Variants in ACYP2 observed in about 807,000 individuals in gnomAD.
ACYP2 encodes the protein acylphosphatase-2.
A neutral mutation model predicts 11.2 loss-of-function variants in ACYP2; 12 were observed. The ratio of observed to expected loss-of-function variants is 1.08; its 90% confidence interval spans 0.69 to 1.74. ACYP2 has a LOEUF of 1.74. Ranked by LOEUF, ACYP2 falls within the 40% of genes most tolerant of loss-of-function variation. The probability of loss-of-function intolerance (pLI) is 0.00; values close to 1 mark genes in which losing one functional copy is unlikely to be tolerated. For missense variants in ACYP2, 134 were observed against 101.9 expected (o/e 1.31, Z -1.35); for synonymous variants, 43 against 32.2 (o/e 1.33, Z -1.13).
chr2:54,165,527 T>TCA (rs1409138197), intron 6 of ACYP2, among the ~76,000 whole-genome samples: 28 of 140,822 alleles, frequency 2.0e-4, no homozygotes, highest in Middle Eastern at 3.5e-3. Flanking sequence ...TCTCTCTCTC[T>TCA]CTCTCTCTCA....
intron 2 of ACYP2, among the ~76,000 whole-genome samples, chr2:53,985,162 C>G (rs1671972756): frequency 6.6e-6 from 1 of 151,824 alleles, no homozygotes; most frequent in Admixed American, 6.6e-5. Flanking sequence ...CTCTGCCTCC[C>G]TGGTTCCCAC....
intron 6 of ACYP2, among the ~76,000 whole-genome samples, chr2:54,295,651 T>C (rs1346296767): frequency 6.6e-6 from 1 of 152,208 alleles, no homozygotes; most frequent in Non-Finnish European, 1.5e-5. Context: ...ATTTTATTTG[T>C]AATTGACCTA....
At position 54,089,860 on chromosome 2, in the gene ACYP2, G is replaced by T. The variant is rs114854130; in HGVS notation, c.277+32500G>T. Among the ~76,000 whole-genome samples the T allele has an allele frequency of 8.4e-3, 1,281 of 151,870 alleles. 3 individuals carry two copies. Among genetic ancestry groups the T allele is most frequent in the Non-Finnish European group, 0.015 (1,008 of 67,940 alleles). On this transcript the variant is annotated intron_variant, in intron 4 of 6. Coordinates refer to ENST00000607452, the MANE Select transcript of ACYP2 (RefSeq NM_001320586.2). ...GGACTTTTTAACTATTAAAAAGTTT[G>T]CTCAGCCGGACACGGTGGCTCATAC...
At chr2:54,096,296 C>T (rs1678573761) in intron 4 of ACYP2, among the ~76,000 whole-genome samples, 1 of 143,118 alleles carries the variant, frequency 7.0e-6, no homozygotes, top group South Asian at 2.4e-4. Flanking sequence ...AGAGACGCTC[C>T]TCACTTCCTA....
At chr2:54,293,952 C>G (rs1573064674) in intron 6 of ACYP2, among the ~76,000 whole-genome samples, 1 of 152,326 alleles carries the variant, frequency 6.6e-6, no homozygotes, top group Non-Finnish European at 1.5e-5. Flanking sequence ...TATATATTAT[C>G]CTTCCATTAT....
chr2:54,083,642 T>C (rs1677788972), intron 4 of ACYP2, among the ~76,000 whole-genome samples: 1 of 152,184 alleles, frequency 6.6e-6, no homozygotes, highest in African/African-American at 2.4e-5. Context: ...ACAAACATGT[T>C]AGGAGAGTCT....
In ACYP2 at chr2:53,984,742, A is replaced by G. The variant is rs760481385; in HGVS notation, c.62+10932A>G. ...TAGTTCAATGTCAGAAAATCTACCA[A>G]TAAAATTCACCACCTTCATGCAAGA... On this transcript the variant is annotated intron_variant, in intron 2 of 6. Transcript: ENST00000607452. 2.7e-4 allele frequency among the ~76,000 whole-genome samples: 41 copies of G among 151,896 alleles called. 1 individual carries two copies. Among genetic ancestry groups the G allele is most frequent in the Non-Finnish European group, 5.6e-4 (38 of 67,946 alleles).
At chr2:53,987,922 A>G (rs1672110801) in intron 2 of ACYP2, among the ~76,000 whole-genome samples, 1 of 151,140 alleles carries the variant, frequency 6.6e-6, no homozygotes, top group Non-Finnish European at 1.5e-5. Context: ...TCCAGATACT[A>G]CTCTTTTGTC....
chr2:54,115,664 C>T (rs1558538766), intron 4 of ACYP2: 6 of 1,604,028 alleles, frequency 3.7e-6, no homozygotes, highest in Non-Finnish European at 5.1e-6. Context: ...CCCCGAGCCC[C>T]TCTCCGGCTC....
intron 6 of ACYP2, among the ~76,000 whole-genome samples, chr2:54,202,548 C>G (rs1163142108): frequency 6.6e-6 from 1 of 151,372 alleles, no homozygotes; most frequent in Non-Finnish European, 1.5e-5. Context: ...GCTGGGATTA[C>G]TGGTGCCCAC....
chr2:54,169,185 C>G (rs1683127808), intron 6 of ACYP2, among the ~76,000 whole-genome samples: 1 of 152,150 alleles, frequency 6.6e-6, no homozygotes, highest in African/African-American at 2.4e-5. Context: ...TAGATAGTTT[C>G]AGCAGTGAAT....
chr2:54,236,833 GA>G (rs1279726065), intron 6 of ACYP2, among the ~76,000 whole-genome samples: 3 of 151,972 alleles, frequency 2.0e-5, no homozygotes, highest in African/African-American at 4.8e-5. Flanking sequence ...ATATAATTTT[GA>G]GCTATGTTAC....
At chr2:54,033,889 C>G (rs1674728209) in intron 2 of ACYP2, among the ~76,000 whole-genome samples, 1 of 152,102 alleles carries the variant, frequency 6.6e-6, no homozygotes, top group Non-Finnish European at 1.5e-5. Flanking sequence ...TTCACTTTTC[C>G]CAGAAATACA....
intron 4 of ACYP2, among the ~76,000 whole-genome samples, chr2:54,128,605 C>A (rs1431444257): frequency 6.6e-6 from 1 of 152,016 alleles, no homozygotes; most frequent in Non-Finnish European, 1.5e-5. Context: ...AGTTTGAGAC[C>A]ATAGTGAGCT....
chr2:54,292,356 C>G (rs1312271263), intron 6 of ACYP2, among the ~76,000 whole-genome samples: 6 of 151,930 alleles, frequency 3.9e-5, no homozygotes, highest in African/African-American at 4.8e-5. Flanking sequence ...ATTGAGATGT[C>G]TTATAGGTAT....
At chr2:54,173,077 A>G (rs1475343909) in intron 6 of ACYP2, among the ~76,000 whole-genome samples, 2 of 152,138 alleles carry the variant, frequency 1.3e-5, no homozygotes, top group African/African-American at 4.8e-5. Flanking sequence ...TGGGATCGTT[A>G]TGTCAAATGG....
chr2:54,201,785 C>T (rs59422383), intron 6 of ACYP2, among the ~76,000 whole-genome samples: 1,941 of 151,184 alleles, frequency 0.013, 40 homozygotes, highest in African/African-American at 0.043. Flanking sequence ...TCTCAGTCAC[C>T]GCAACCTCCA....
At chr2:54,079,639 T>C (rs1279287808) in intron 4 of ACYP2, among the ~76,000 whole-genome samples, 1 of 152,218 alleles carries the variant, frequency 6.6e-6, no homozygotes, top group African/African-American at 2.4e-5. Context: ...CTTGATGACA[T>C]TGTTGAGTCC....
intron 2 of ACYP2, among the ~76,000 whole-genome samples, chr2:54,037,010 T>A (rs1460378748): frequency 6.6e-6 from 1 of 152,238 alleles, no homozygotes; most frequent in African/African-American, 2.4e-5. Context: ...TGTCCCTAAT[T>A]AATATGTATA....
Sources: gnomAD v4.1 joint callset for allele counts (sites outside exome capture counted in the v4.1 genomes callset) on GRCh38, gnomAD v4.1.1 for gene constraint, MANE v1.5 for transcripts, NCBI Gene and HGNC (gene_info 2026-07-23, HGNC 2026-07-21) for gene names.